The following MARS1 variants were observed in gnomAD, a reference collection of about 807,000 sequenced individuals.
The protein encoded by MARS1 is methionine--tRNA ligase, cytoplasmic.
A neutral mutation model predicts 119.5 loss-of-function variants in MARS1; 80 were observed. The observed-to-expected ratio is 0.67, with a 90% CI of 0.56 to 0.81. MARS1 has a LOEUF of 0.81. Among genes scored for constraint, MARS1 ranks in the 30% least tolerant of loss-of-function variants. The pLI, the probability that MARS1 is intolerant of heterozygous loss-of-function variation, is 0.00. For missense variants in MARS1, 945 were observed against 1,116.5 expected, an observed-to-expected ratio of 0.85 and a Z score of 2.19; for synonymous variants, 418 against 433.4, an observed-to-expected ratio of 0.96 and a Z score of 0.44.
At position 57,512,736 on chromosome 12, in the gene MARS1, T is replaced by C. The variant is rs1877581977; in HGVS notation, c.1754-15T>C. 3.1e-6 allele frequency: 5 copies of C among 1,599,794 alleles called. No homozygotes were observed. The highest frequency in any genetic ancestry group is 4.3e-6 in the Non-Finnish European group (5 of 1,167,078). On this transcript the variant is annotated splice_polypyrimidine_tract_variant and intron_variant, in intron 14 of 20. Transcript: ENST00000262027. ...GATGTGAGCAGATGGTTCTCACTCA[T>C]TCTCCTCTGTCCAGAGTACCTGAAC...
At chr12:57,512,489 T>C in intron 14 of MARS1, 136 bp downstream of exon 14, 1 of 716,432 alleles carries the variant, frequency 1.4e-6, no homozygotes. Flanking sequence ...AAATGAGAAC[T>C]CAACCTAGAG....
chr12:57,490,780 C>CT (rs35674919), intron 7 of MARS1, 136 bp downstream of exon 7: 17,015 of 252,714 alleles, frequency 0.067, 215 homozygotes, highest in African/African-American at 0.13. Context: ...TCTTACATCT[C>CT]TTTTTTTTTT....
intron 11 of MARS1, among the ~76,000 whole-genome samples, chr12:57,507,301 T>C (rs1185477833): frequency 6.8e-6 from 1 of 147,900 alleles, no homozygotes; most frequent in East Asian, 2.0e-4. Context: ...TTTCCCCACC[T>C]TTCCCCCCTT....
rs771768869 is a variant in MARS1 at position 57,498,599 on chromosome 12, G to A, written c.1067G>A (p.Arg356His). 7.4e-6 allele frequency: 12 copies of A among 1,614,132 alleles called. No homozygotes were observed. The highest frequency in any genetic ancestry group is 6.6e-5 in the South Asian group (6 of 91,086). Reference sequence around the variant, plus strand: ...AACATTTCGTTTGATATTTTTGGTCGCACCACCACTCCACAGCAGACCAAG... The same window carrying A: ...AACATTTCGTTTGATATTTTTGGTCACACCACCACTCCACAGCAGACCAAG... ...WFNISFDIFGRTTTPQQTKIT... is the reference protein window; with the variant it reads ...WFNISFDIFGHTTTPQQTKIT... The change falls in exon 9 of 21, where the codon CGC (arginine) becomes CAC (histidine). Residue 356 changes from arginine (R) to histidine (H), a missense_variant. Arg to His is a conservative substitution (Grantham distance 29). Coordinates refer to ENST00000262027, the MANE Select transcript of MARS1 (RefSeq NM_004990.4).
intron 7 of MARS1, among the ~76,000 whole-genome samples, chr12:57,493,619 AAT>A (rs1491577558): frequency 3.4e-5 from 1 of 29,826 alleles, no homozygotes; most frequent in Non-Finnish European, 5.0e-5. Flanking sequence ...AATATATTAT[AAT>A]ATATATTATA....
chr12:57,489,837 A>G, intron 4 of MARS1, 59 bp from the exon 5 acceptor site: 1 of 1,467,834 alleles, frequency 6.8e-7, no homozygotes, highest in South Asian at 1.1e-5. Context: ...AGATATTACC[A>G]TTGGGAAGAA....
At chr12:57,515,406 A>G (rs2140038007) in intron 18 of MARS1, 70 bp downstream of exon 18, 3 of 1,441,896 alleles carry the variant, frequency 2.1e-6, no homozygotes, top group South Asian at 1.2e-5. Flanking sequence ...GGGTGAGAGA[A>G]GACCTAACAT....
chr12:57,501,954 C>G (rs1397889006), intron 10 of MARS1, among the ~76,000 whole-genome samples: 2 of 152,152 alleles, frequency 1.3e-5, no homozygotes, highest in Non-Finnish European at 2.9e-5. Context: ...AAGATTGCCA[C>G]TGCATTCCAG....
In MARS1 at chr12:57,515,181, G is replaced by T. The variant is rs765690389; in HGVS notation, c.2236G>T (p.Val746Leu). ...GGCAGGAACAGTGACTGGCTTGGCAGTGAATATAGCTGCCTTGCTCTCTGT... is the reference window on the plus strand; with the variant it reads ...GGCAGGAACAGTGACTGGCTTGGCATTGAATATAGCTGCCTTGCTCTCTGT... ...QRAGTVTGLA[V>L]NIAALLSVML... The change falls in exon 18 of 21, where the codon GTG becomes TTG. Residue 746 changes from valine to leucine, a missense_variant. Physicochemically the swap from Val to Leu is conservative, Grantham distance 32. Coordinates refer to ENST00000262027, the MANE Select transcript of MARS1 (RefSeq NM_004990.4). 4.0e-5 allele frequency: 64 copies of T among 1,614,116 alleles called. No homozygotes were observed. The highest frequency in any genetic ancestry group is 1.2e-4 in the Admixed American group (7 of 60,008).
intron 7 of MARS1, among the ~76,000 whole-genome samples, chr12:57,494,597 T>TCAG (rs1159046734): frequency 6.7e-5 from 10 of 148,444 alleles, no homozygotes; most frequent in Non-Finnish European, 1.2e-4. Context: ...GGAGGGAAGG[T>TCAG]CAGCAGATAA....
At chr12:57,491,900 C>G (rs1875981898) in intron 7 of MARS1, among the ~76,000 whole-genome samples, 1 of 152,212 alleles carries the variant, frequency 6.6e-6, no homozygotes, top group African/African-American at 2.4e-5. Flanking sequence ...ACAAGACAGA[C>G]AGGATCTCCG....
intron 7 of MARS1, among the ~76,000 whole-genome samples, chr12:57,497,689 A>ACGGGT (rs1876701699): frequency 1.3e-5 from 2 of 152,124 alleles, no homozygotes; most frequent in African/African-American, 4.8e-5. Flanking sequence ...AGGACTTGTT[A>ACGGGT]CGGGTCGTAT....
At chr12:57,492,052 G>T (rs1875992477) in intron 7 of MARS1, among the ~76,000 whole-genome samples, 1 of 151,778 alleles carries the variant, frequency 6.6e-6, no homozygotes, top group Non-Finnish European at 1.5e-5. Context: ...GGCTGAGGTG[G>T]GTGGATCATT....
chr12:57,490,780 CTTTT>C (rs35674919), intron 7 of MARS1, 136 bp downstream of exon 7: 706 of 254,802 alleles, frequency 2.8e-3, no homozygotes, highest in East Asian at 5.6e-3. Flanking sequence ...TCTTACATCT[CTTTT>C]TTTTTTTTTT....
intron 11 of MARS1, 35 bp downstream of exon 11, chr12:57,504,334 A>G: frequency 6.4e-7 from 1 of 1,566,884 alleles, no homozygotes; most frequent in Non-Finnish European, 8.8e-7. Flanking sequence ...AGTTTTCAGG[A>G]GGCCTCTTCT....
chr12:57,512,836 T>C lies in MARS1; in HGVS notation c.1839T>C (p.Pro613=), dbSNP rs1238567973. The C allele has an allele frequency of 6.2e-7, 1 of 1,614,260 alleles. No homozygotes were observed. Among genetic ancestry groups the C allele is most frequent in the Admixed American group, 1.7e-5 (1 of 60,028 alleles). ...ACATGGCCCAGGACACGGGGATCCC[T>C]GCTGACATCTGGCGCTTCTATCTGC... ...FGDMAQDTGI[P]ADIWRFYLLY... The change falls in exon 15 of 21, where the codon CCT becomes CCC. Residue 613 remains proline (P), a synonymous_variant. Transcript: ENST00000262027.
chr12:57,495,520 G>T (rs1055639464), intron 7 of MARS1, among the ~76,000 whole-genome samples: 6 of 151,842 alleles, frequency 4.0e-5, no homozygotes, highest in African/African-American at 1.2e-4. Flanking sequence ...TCCCAGACTG[G>T]GCGGCCAGGC....
intron 10 of MARS1, 102 bp downstream of exon 10, chr12:57,500,624 C>A: frequency 2.6e-6 from 3 of 1,133,472 alleles, no homozygotes; most frequent in Non-Finnish European, 2.5e-6. Flanking sequence ...CATTCTAGAC[C>A]TTTAACCAGT....
intron 1 of MARS1, chr12:57,488,479 CCTT>C (rs1875640156): frequency 7.7e-7 from 1 of 1,304,006 alleles, no homozygotes; most frequent in Non-Finnish European, 1.1e-6. Flanking sequence ...CCCTTCCCAA[CCTT>C]CTCCTACACC....
Sources: allele counts gnomAD v4.1 joint callset (sites outside exome capture counted in the v4.1 genomes callset), GRCh38; gene constraint gnomAD v4.1.1; transcripts MANE v1.5; gene names NCBI Gene and HGNC (gene_info 2026-07-23, HGNC 2026-07-21).